The following OTUD7B variants were observed in gnomAD, a reference collection of about 807,000 sequenced individuals.
OTUD7B encodes OTU domain-containing protein 7B.
In OTUD7B, 34 loss-of-function variants were observed where a neutral mutation model predicts 82.2. The observed-to-expected ratio is 0.41, with a 90% CI of 0.31 to 0.55. OTUD7B has a LOEUF of 0.55. OTUD7B is among the 20% of genes least tolerant of loss of function. OTUD7B has a pLI of 0.20. For synonymous variants in OTUD7B, 398 were observed against 402.7 expected, an observed-to-expected ratio of 0.99 and a Z score of 0.14; for missense variants, 944 against 1,062.1, an observed-to-expected ratio of 0.89 and a Z score of 1.55.
chr1:150,046,765 T>C, the OTUD7B span, among the ~76,000 whole-genome samples: 15 of 151,192 alleles, frequency 9.9e-5, no homozygotes, highest in Admixed American at 2.0e-4. Flanking sequence ...GGCATCCTTA[T>C]TCAAAATAAA....
chr1:149,940,007 A>C lies in OTUD7B; in HGVS notation c.*3850T>G, dbSNP rs1553770074. 6.6e-6 allele frequency: 1 copy of C among 152,148 alleles called. No homozygotes were observed. Among genetic ancestry groups the C allele is most frequent in the East Asian group, 1.9e-4 (1 of 5,194 alleles). The allele number at this position is 152,148 out of a possible 1,614,324, so 9.4% of individuals were successfully genotyped here. ...CCAGAGGTGTCTGAGTAATTCAGAG[A>C]CAATCATCTCTGAAATACTCTTTAT... On this transcript the variant is annotated 3_prime_UTR_variant, in exon 12 of 12. Transcript: ENST00000581312.
chr1:150,012,687 G>C (rs1433910194), upstream of OTUD7B, among the ~76,000 whole-genome samples: 3 of 152,180 alleles, frequency 2.0e-5, no homozygotes, highest in Admixed American at 6.5e-5. Flanking sequence ...CCAAGTTGCT[G>C]GTCAAAGTCA....
chr1:150,047,543 T>C, the OTUD7B span: 1 of 152,220 alleles, frequency 6.6e-6, no homozygotes, highest in African/African-American at 2.4e-5. Context: ...ACCTAATAGG[T>C]ATTCAACAAA....
chr1:149,972,135 G>A (rs940362372), intron 2 of OTUD7B, among the ~76,000 whole-genome samples: 1 of 152,100 alleles, frequency 6.6e-6, no homozygotes, highest in East Asian at 1.9e-4. Context: ...TACTTTTCTG[G>A]CCTCTTCTCT....
the OTUD7B span, among the ~76,000 whole-genome samples, chr1:150,055,659 G>A: frequency 6.6e-6 from 1 of 152,108 alleles, no homozygotes; most frequent in Admixed American, 6.6e-5. Flanking sequence ...ATGACAGATT[G>A]GATAAAGAAA....
the OTUD7B span, among the ~76,000 whole-genome samples, chr1:150,035,325 C>T: frequency 6.6e-6 from 1 of 151,962 alleles, no homozygotes; most frequent in African/African-American, 2.4e-5. Flanking sequence ...GAAATTGAGC[C>T]CAAGAAACGA....
rs1366020859 is a variant in OTUD7B, at chr1:149,960,413, T to TTTTTTTTTTTTTTG, written c.733-618_733-617insCAAAAAAAAAAAAA. Among the ~76,000 whole-genome samples the TTTTTTTTTTTTTTG allele has an allele frequency of 4.5e-4, 33 of 72,572 alleles. 3 individuals are homozygous for TTTTTTTTTTTTTTG. Among genetic ancestry groups the TTTTTTTTTTTTTTG allele is most frequent in the Non-Finnish European group, 5.4e-4 (22 of 40,932 alleles). 47.6% of individuals were successfully genotyped at this position (72,572 alleles called of 152,430 possible). A position where few individuals can be genotyped will look rare whatever the true frequency, so the allele number is the denominator to read the frequency against. ...CCTTTTTTTCTTTTTTTTTTTTTTG[T>TTTTTTTTTTTTTTG]AGACAGAGTCACCCAGGCTGGAGTG... On this transcript the variant is annotated intron_variant, in intron 6 of 11. Coordinates refer to ENST00000581312, the MANE Select transcript of OTUD7B (RefSeq NM_020205.4).
At chr1:150,061,765 C>T in the OTUD7B span, among the ~76,000 whole-genome samples, 2 of 152,164 alleles carry the variant, frequency 1.3e-5, no homozygotes, top group African/African-American at 4.8e-5. Context: ...TGACTAACCC[C>T]GAGTCTGGGA....
the OTUD7B span, among the ~76,000 whole-genome samples, chr1:150,053,575 T>C: frequency 6.6e-4 from 100 of 152,096 alleles, no homozygotes; most frequent in African/African-American, 2.3e-3. Context: ...TTTGCATTTT[T>C]AGTAGAGACG....
chr1:150,021,029 A>AC, the OTUD7B span, among the ~76,000 whole-genome samples: 3 of 152,362 alleles, frequency 2.0e-5, no homozygotes, highest in East Asian at 3.9e-4. Context: ...TTCTAATACG[A>AC]CAAAAGCAAT....
At chr1:150,047,258 T>C in the OTUD7B span, among the ~76,000 whole-genome samples, 1 of 152,202 alleles carries the variant, frequency 6.6e-6, no homozygotes, top group African/African-American at 2.4e-5. Context: ...GGATTACATG[T>C]ATCTTATTCC....
At chr1:149,993,858 G>A (rs1032806437) in intron 1 of OTUD7B, among the ~76,000 whole-genome samples, 5 of 152,158 alleles carry the variant, frequency 3.3e-5, no homozygotes, top group Non-Finnish European at 7.3e-5. Context: ...CCAATAGAAT[G>A]TACTCTAAGC....
At position 149,943,196 on chromosome 1, in the gene OTUD7B, AAAT is replaced by A. The variant is rs1414916764; in HGVS notation, c.*658_*660del. 2.0e-5 allele frequency: 3 copies of A among 152,458 alleles called. No individual in the cohort carries two copies. Among genetic ancestry groups the A allele is most frequent in the African/African-American group, 7.2e-5 (3 of 41,400 alleles). 9.4% of individuals were successfully genotyped at this position (152,458 alleles called of 1,614,324 possible). On this transcript the variant is annotated 3_prime_UTR_variant, in exon 12 of 12. Coordinates refer to ENST00000581312, the MANE Select transcript of OTUD7B (RefSeq NM_020205.4). Reference sequence around the variant, plus strand: ...AGATGACATATGACTGCTTGGAAGGAAATAAACCTTAAGAGGAAAAGGATTTCC... The same window carrying A: ...AGATGACATATGACTGCTTGGAAGGAAAACCTTAAGAGGAAAAGGATTTCC...
intron 1 of OTUD7B, among the ~76,000 whole-genome samples, chr1:150,006,189 G>A (rs1176287028): frequency 6.6e-6 from 1 of 152,142 alleles, no homozygotes; most frequent in Admixed American, 6.5e-5. Flanking sequence ...CCGGCACACT[G>A]GCTCACGCCT....
rs1553770792 is a variant in OTUD7B, at chr1:149,942,996, C to T, written c.*861G>A. 1 of 152,548 alleles carries T rather than the reference C, an allele frequency of 6.6e-6. No individual in the cohort carries two copies. The highest frequency in any genetic ancestry group is 2.4e-5 in the African/African-American group (1 of 41,412). The allele number at this position is 152,548 out of a possible 1,614,324, so 9.4% of individuals were successfully genotyped here. A position where few individuals can be genotyped will look rare whatever the true frequency, so the allele number is the denominator to read the frequency against. The stretch of plus-strand genomic sequence containing the variant: ...CTCCCAAGGTGCACTCAAACCCCAA[C>T]GTATGGTTATTGCTGTGGTTAAAAA... On this transcript the variant is annotated 3_prime_UTR_variant, in exon 12 of 12. Coordinates refer to ENST00000581312, the MANE Select transcript of OTUD7B (RefSeq NM_020205.4).
rs2101711657 is a variant in OTUD7B, at chr1:149,944,033, C to T, written c.2356G>A (p.Asp786Asn). Reference sequence around the variant, plus strand: ...CCCCGGAGACCTCCAGCCCATCCATCTGGCTCAGGGGGCTCTCTGTAGCCA... The same window carrying T: ...CCCCGGAGACCTCCAGCCCATCCATTTGGCTCAGGGGGCTCTCTGTAGCCA... ...SNGYREPPEP[D>N]GWAGGLRGLP... The change falls in exon 12 of 12, where the codon GAT becomes AAT. Residue 786 changes from aspartate to asparagine, a missense_variant. Around this residue, in one of 3 missense-constraint regions of OTUD7B, gnomAD observed 412 missense variants for 418.7 expected, o/e 0.98. Transcript: ENST00000581312. 1 of 1,614,238 alleles carries T rather than the reference C, an allele frequency of 6.2e-7. No individual in the cohort carries two copies. The highest frequency in any genetic ancestry group is 1.7e-5 in the Admixed American group (1 of 60,028).
At position 149,983,150 on chromosome 1, in the gene OTUD7B, C is replaced by G. The variant is rs185067371; in HGVS notation, c.-66-5574G>C. Among the ~76,000 whole-genome samples, 49 of 152,246 alleles carry G rather than the reference C, an allele frequency of 3.2e-4. 1 individual carries two copies. The East Asian group carries it at 5.6e-3, about 17-fold the overall frequency. On this transcript the variant is annotated intron_variant, in intron 1 of 11. Coordinates refer to ENST00000581312, the MANE Select transcript of OTUD7B (RefSeq NM_020205.4). ...GATTACAGGCGTGAGCCACTGCGCCCGGCCTCCTCTGTACTTTTAAACCTG... is the reference window on the plus strand; with the variant it reads ...GATTACAGGCGTGAGCCACTGCGCCGGGCCTCCTCTGTACTTTTAAACCTG...
At chr1:150,011,876 G>A (rs1030712559), upstream of OTUD7B, among the ~76,000 whole-genome samples, 2 of 152,130 alleles carry the variant, frequency 1.3e-5, no homozygotes, top group African/African-American at 2.4e-5. Flanking sequence ...AAGGGGAGGC[G>A]TGGGGCATAG....
chr1:149,968,177 T>C (rs1649646940), intron 3 of OTUD7B, among the ~76,000 whole-genome samples: 2 of 150,152 alleles, frequency 1.3e-5, no homozygotes, highest in African/African-American at 4.9e-5. Context: ...GGTGGGAGAA[T>C]TGCTTGAACC....
Sources: gnomAD v4.1 joint callset for allele counts (sites outside exome capture counted in the v4.1 genomes callset) on GRCh38, gnomAD v4.1.1 for gene constraint, gnomAD v4.1.1 regional missense constraint, MANE v1.5 for transcripts, NCBI Gene and HGNC (gene_info 2026-07-23, HGNC 2026-07-21) for gene names.